Variants in SEC24A observed in about 807,000 individuals in gnomAD.
SEC24A encodes the protein SEC24 homolog A, COPII component.
SEC24A carries 93 observed loss-of-function variants against 129.4 expected under a neutral mutation model. That is an observed-to-expected ratio of 0.72 (90% CI 0.61 to 0.85). The LOEUF is 0.85. Among genes scored for constraint, SEC24A ranks in the 40% least tolerant of loss-of-function variants. SEC24A has a pLI of 0.00. For missense variants in SEC24A, 1,264 were observed against 1,307.4 expected (o/e 0.97, Z 0.51); for synonymous variants, 460 against 467.3 (o/e 0.98, Z 0.20).
At chr5:134,673,864 G>A (rs1244402119) in intron 4 of SEC24A, among the ~76,000 whole-genome samples, 1 of 152,138 alleles carries the variant, frequency 6.6e-6, no homozygotes, top group African/African-American at 2.4e-5. Context: ...GCCGGGCACG[G>A]TGGCTCATGG....
At chr5:134,687,294 A>C (rs1205626325) in intron 10 of SEC24A, among the ~76,000 whole-genome samples, 1 of 152,230 alleles carries the variant, frequency 6.6e-6, no homozygotes, top group Non-Finnish European at 1.5e-5. Flanking sequence ...AGTATTAAGG[A>C]AAATTAGCAG....
chr5:134,717,866 G>A (rs1384188126), intron 19 of SEC24A, among the ~76,000 whole-genome samples: 1 of 152,174 alleles, frequency 6.6e-6, no homozygotes, highest in Non-Finnish European at 1.5e-5. Flanking sequence ...GGTGAGCTGA[G>A]ATTGTGCCAT....
chr5:134,658,098 G>T (rs1026533033), intron 1 of SEC24A, among the ~76,000 whole-genome samples: 2 of 152,156 alleles, frequency 1.3e-5, no homozygotes. Flanking sequence ...GTGAAATCCC[G>T]TCTCTACTAA....
chr5:134,678,045 C>T (rs954238219), intron 7 of SEC24A, among the ~76,000 whole-genome samples: 2 of 151,832 alleles, frequency 1.3e-5, no homozygotes, highest in Non-Finnish European at 2.9e-5. Context: ...TATTAGAGAC[C>T]GGGTCTCTCG....
intron 1 of SEC24A, among the ~76,000 whole-genome samples, chr5:134,660,114 C>A: frequency 6.6e-6 from 1 of 150,574 alleles, no homozygotes; most frequent in East Asian, 1.9e-4. Context: ...GTAATCCTAG[C>A]GCTTATAGAG....
intron 3 of SEC24A, among the ~76,000 whole-genome samples, chr5:134,668,905 A>T (rs955211072): frequency 2.0e-5 from 3 of 151,112 alleles, no homozygotes; most frequent in Non-Finnish European, 4.4e-5. Flanking sequence ...AAAATAATAA[A>T]AAATAAAAAT....
intron 15 of SEC24A, among the ~76,000 whole-genome samples, chr5:134,700,940 G>C (rs2150102921): frequency 6.6e-6 from 1 of 151,938 alleles, no homozygotes; most frequent in East Asian, 2.0e-4. Flanking sequence ...GGATGGTCTT[G>C]ATCTCCTGAC....
intron 19 of SEC24A, among the ~76,000 whole-genome samples, chr5:134,716,739 A>C (rs1259219421): frequency 6.7e-6 from 1 of 148,966 alleles, no homozygotes; most frequent in Non-Finnish European, 1.5e-5. Flanking sequence ...CAAAGGTCGC[A>C]GTGAGCTGAG....
intron 9 of SEC24A, among the ~76,000 whole-genome samples, chr5:134,684,484 G>A (rs1751382969): frequency 6.6e-6 from 1 of 151,410 alleles, no homozygotes; most frequent in Non-Finnish European, 1.5e-5. Flanking sequence ...AGGCCAAGGT[G>A]GGCGGATGAC....
intron 4 of SEC24A, among the ~76,000 whole-genome samples, chr5:134,673,126 G>T (rs1317278396): frequency 1.3e-5 from 2 of 148,334 alleles, no homozygotes; most frequent in Non-Finnish European, 3.0e-5. Flanking sequence ...TGTGATCTTG[G>T]CTCACTGCAA....
At chr5:134,652,645 T>C (rs1344468672) in intron 1 of SEC24A, among the ~76,000 whole-genome samples, 2 of 152,114 alleles carry the variant, frequency 1.3e-5, no homozygotes, top group African/African-American at 4.8e-5. Flanking sequence ...TGGAGTGCAG[T>C]GGTGCGATCT....
chr5:134,661,246 C>T lies in SEC24A; in HGVS notation c.225C>T (p.Asn75=), dbSNP rs1750447070. 3.1e-6 allele frequency: 5 copies of T among 1,614,146 alleles called. No homozygotes were observed. Among genetic ancestry groups the T allele is most frequent in the Non-Finnish European group, 4.2e-6 (5 of 1,180,018 alleles). The change falls in exon 2 of 23, where the codon AAC becomes AAT. Residue 75 remains asparagine, a synonymous_variant. Transcript: ENST00000398844. ...TGAATCCAGTCTCTGGACAGTCTAA[C>T]TATGGTGGTTCTCAGGGATCTGGGC... ...KTLNPVSGQS[N]YGGSQGSGQT... is the part of the protein sequence containing the mutation.
intron 5 of SEC24A, 33 bp downstream of exon 5, chr5:134,674,808 C>A: frequency 6.3e-7 from 1 of 1,598,482 alleles, no homozygotes; most frequent in Non-Finnish European, 8.5e-7. Flanking sequence ...TAACCTATTT[C>A]TCCATTTGGT....
intron 18 of SEC24A, among the ~76,000 whole-genome samples, chr5:134,713,615 A>G (rs942241160): frequency 1.3e-5 from 2 of 152,130 alleles, no homozygotes; most frequent in African/African-American, 4.8e-5. Flanking sequence ...TTCCATTAAA[A>G]TCTTAAGAGC....
At chr5:134,702,443 T>G (rs2150103854) in intron 15 of SEC24A, among the ~76,000 whole-genome samples, 1 of 152,338 alleles carries the variant, frequency 6.6e-6, no homozygotes, top group Non-Finnish European at 1.5e-5. Context: ...AGCTTGCATG[T>G]GTATGCGACA....
intron 12 of SEC24A, chr5:134,693,162 G>T (rs574660476): frequency 2.0e-6 from 3 of 1,534,570 alleles, no homozygotes; most frequent in African/African-American, 1.4e-5. Flanking sequence ...CATATATGCC[G>T]TAGGGGTAAC....
chr5:134,661,761 C>T (rs965318155), intron 2 of SEC24A, among the ~76,000 whole-genome samples, 175 bp downstream of exon 2: 1 of 149,822 alleles, frequency 6.7e-6, no homozygotes, highest in Non-Finnish European at 1.5e-5. Flanking sequence ...AGAAAGCCTG[C>T]TAGACAAATT....
intron 3 of SEC24A, 76 bp downstream of exon 3, chr5:134,667,072 G>A: frequency 1.6e-6 from 2 of 1,259,782 alleles, no homozygotes; most frequent in Non-Finnish European, 2.2e-6. Context: ...GCTGAATTCT[G>A]TGCATTAAAA....
chr5:134,685,741 T>G (rs1464050620), intron 9 of SEC24A, among the ~76,000 whole-genome samples: 3 of 152,142 alleles, frequency 2.0e-5, no homozygotes, highest in Non-Finnish European at 4.4e-5. Flanking sequence ...CCCAGCACTT[T>G]GGGAGGCAGC....
Sources: allele counts gnomAD v4.1 joint callset (sites outside exome capture counted in the v4.1 genomes callset), GRCh38; gene constraint gnomAD v4.1.1; transcripts MANE v1.5; gene names NCBI Gene and HGNC (gene_info 2026-07-23, HGNC 2026-07-21).